The following GALNT9 variants were observed in gnomAD, a reference collection of about 807,000 sequenced individuals.
GALNT9 encodes the protein GalNAc transferase 9.
A neutral mutation model predicts 63.1 loss-of-function variants in GALNT9; 47 were observed. The ratio of observed to expected loss-of-function variants is 0.75; its 90% CI spans 0.59 to 0.95. The LOEUF (loss-of-function observed/expected upper bound fraction) is 0.95, where lower values mean the gene tolerates loss of function less well. Ranked by LOEUF, GALNT9 falls within the 40% of genes least tolerant of loss-of-function variation. The pLI is 0.00. For synonymous variants in GALNT9, 396 were observed against 365.7 expected, an observed-to-expected ratio of 1.08 and a Z score of -0.94; for missense variants, 829 against 874.8, an observed-to-expected ratio of 0.95 and a Z score of 0.66.
Position 132,282,393 on chromosome 12 carries a change from ACGTGTGTGCGCGTGTGTG to A in GALNT9, c.419+3839_419+3856del, listed in dbSNP as rs1292096409. On this transcript the variant is annotated intron_variant, in intron 2 of 10. Coordinates refer to ENST00000328957, the MANE Select transcript of GALNT9 (RefSeq NM_001122636.2). The surrounding 1 kb of genome is among the most constrained non-coding windows in gnomAD (Gnocchi z 4.5). ...TGTGCTTAAAGAAAAAACTAAAAAT[ACGTGTGTGCGCGTGTGTG>A]CGTGTGTGTGCGTGTGTGCGTGCAT... Among the ~76,000 whole-genome samples the A allele has an allele frequency of 6.6e-6, 1 of 151,118 alleles. No homozygotes were observed. The highest frequency in any genetic ancestry group is 6.6e-5 in the Admixed American group (1 of 15,218).
At chr12:132,204,323 C>T (rs1018453528) in intron 6 of GALNT9, among the ~76,000 whole-genome samples, 4 of 152,172 alleles carry the variant, frequency 2.6e-5, no homozygotes, top group African/African-American at 9.7e-5. Context: ...CCGGTTTGTC[C>T]CCCCGCGCTG....
At chr12:132,302,958 TG>T (rs1555243970) in intron 1 of GALNT9, among the ~76,000 whole-genome samples, 2 of 134,330 alleles carry the variant, frequency 1.5e-5, no homozygotes, top group Admixed American at 7.5e-5. Flanking sequence ...ACCACTCCGG[TG>T]ACCGTCTAAG....
At position 132,247,877 on chromosome 12, in the gene GALNT9, C is replaced by T. The variant is rs552413028; in HGVS notation, c.1077+33G>A. The T allele has an allele frequency of 4.4e-5, 69 of 1,550,650 alleles. No homozygotes were observed. In the East Asian group the frequency reaches 6.6e-4, roughly 15 times the overall value. The stretch of plus-strand genomic sequence containing the variant: ...CAGACGCTGTGGCCTCACTCGCCCT[C>T]ACCCTGTCCCTGGACACCGGGGCCG... On this transcript the variant is annotated intron_variant, in intron 6 of 10. Transcript: ENST00000328957.
At position 132,327,804 on chromosome 12, in the gene GALNT9, C is replaced by T. The variant is rs1268734786; in HGVS notation, c.238+1162G>A. Among the ~76,000 whole-genome samples the T allele has an allele frequency of 2.6e-5, 4 of 152,024 alleles. No individual in the cohort carries two copies. Among genetic ancestry groups the T allele is most frequent in the Non-Finnish European group, 4.4e-5 (3 of 68,006 alleles). On this transcript the variant is annotated intron_variant, in intron 1 of 10. Coordinates refer to ENST00000328957, the MANE Select transcript of GALNT9 (RefSeq NM_001122636.2). This position sits in a 1 kb window ranked among gnomAD's most constrained non-coding sequence, Gnocchi z 4.3. ...GGGACAACCCCTCCTCATGGGGATT[C>T]ACCTCCCCCTCCCACCCCACGGCCT...
At chr12:132,288,426 A>G (rs1205568098) in intron 1 of GALNT9, among the ~76,000 whole-genome samples, 1 of 152,238 alleles carries the variant, frequency 6.6e-6, no homozygotes, top group Non-Finnish European at 1.5e-5. Context: ...TAATCATGCT[A>G]TTTTAAAATA....
intron 1 of GALNT9, among the ~76,000 whole-genome samples, chr12:132,324,487 G>C (rs1485363332): frequency 5.9e-5 from 9 of 152,228 alleles, no homozygotes; most frequent in Admixed American, 6.5e-5. Flanking sequence ...GGCCGCGTCC[G>C]AGACCCCGGA....
chr12:132,298,167 C>G (rs879975232), intron 1 of GALNT9, among the ~76,000 whole-genome samples: 3 of 152,006 alleles, frequency 2.0e-5, no homozygotes, highest in African/African-American at 4.8e-5. Flanking sequence ...GATAACCAAC[C>G]CATTATTCTG....
chr12:132,254,255 C>T (rs888056903), intron 5 of GALNT9, among the ~76,000 whole-genome samples: 4 of 152,116 alleles, frequency 2.6e-5, no homozygotes, highest in Admixed American at 6.5e-5. Context: ...GTGATCCACC[C>T]GCCTCGGCCT....
At position 132,238,226 on chromosome 12, in the gene GALNT9, C is replaced by T. The variant is rs1019774792; in HGVS notation, c.1077+9684G>A. Among the ~76,000 whole-genome samples the T allele has an allele frequency of 3.9e-5, 6 of 152,042 alleles. No individual in the cohort carries two copies. Among genetic ancestry groups the T allele is most frequent in the Non-Finnish European group, 8.8e-5 (6 of 67,990 alleles). ...CCCAGGAGAGAGGGGAGAGAGGGGG[C>T]GTCATCCCAGAGCCCATGAGGGACA... On this transcript the variant is annotated intron_variant, in intron 6 of 10. Transcript: ENST00000328957. The surrounding 1 kb of genome is among the most constrained non-coding windows in gnomAD (Gnocchi z 6.5).
At chr12:132,257,997 C>T in intron 4 of GALNT9, 111 bp from the exon 5 acceptor site, 1 of 705,060 alleles carries the variant, frequency 1.4e-6, no homozygotes, top group Non-Finnish European at 2.4e-6. Flanking sequence ...CTGCATCTAG[C>T]CCTGCCACCC....
intron 6 of GALNT9, among the ~76,000 whole-genome samples, chr12:132,221,350 C>CAAAAAA (rs869246524): frequency 8.5e-5 from 4 of 46,806 alleles, no homozygotes; most frequent in African/African-American, 3.5e-4. Flanking sequence ...AGATTGTGTC[C>CAAAAAA]AAAAAAAAAA....
At position 132,265,285 on chromosome 12, in the gene GALNT9, G is replaced by A. The variant is rs576412371; in HGVS notation, c.420-2660C>T. Among the ~76,000 whole-genome samples the A allele has an allele frequency of 2.8e-4, 42 of 152,278 alleles. No homozygotes were observed. Among genetic ancestry groups the A allele is most frequent in the African/African-American group, 8.4e-4 (35 of 41,562 alleles). On this transcript the variant is annotated intron_variant, in intron 2 of 10. Coordinates refer to ENST00000328957, the MANE Select transcript of GALNT9 (RefSeq NM_001122636.2). The surrounding 1 kb of genome is among the most constrained non-coding windows in gnomAD (Gnocchi z 5.3). ...GGAGAGGCCACGGGGAGAAAATGAC[G>A]GCTGGACCGGTCCTCCCCGTGGAAG...
At chr12:132,205,632 A>C (rs578159927) in intron 6 of GALNT9, 1 of 152,460 alleles carries the variant, frequency 6.6e-6, no homozygotes, top group East Asian at 1.9e-4. Context: ...TGGCCTTTGC[A>C]TCCCGAGGGA....
rs1162938557 is a variant in GALNT9 at position 132,316,470 on chromosome 12, G to T, written c.238+12496C>A. Among the ~76,000 whole-genome samples, 1 of 152,084 alleles carries T rather than the reference G, an allele frequency of 6.6e-6. No homozygotes were observed. On this transcript the variant is annotated intron_variant, in intron 1 of 10. Coordinates refer to ENST00000328957, the MANE Select transcript of GALNT9 (RefSeq NM_001122636.2). This position sits in a 1 kb window ranked among gnomAD's most constrained non-coding sequence, Gnocchi z 4.3. Reference sequence around the variant, plus strand: ...AAGGAATTTGCAGTTCTCAACCTCAGATGACCTTGCTTCCTTCCTCCCTGG... The same window carrying T: ...AAGGAATTTGCAGTTCTCAACCTCATATGACCTTGCTTCCTTCCTCCCTGG...
chr12:132,294,119 A>T (rs782155579), intron 1 of GALNT9, among the ~76,000 whole-genome samples: 21 of 152,256 alleles, frequency 1.4e-4, no homozygotes, highest in Admixed American at 1.3e-3. Flanking sequence ...CCTGGTGACC[A>T]CTATGGACAC....
chr12:132,228,837 G>A lies in GALNT9; in HGVS notation c.1077+19073C>T, dbSNP rs1314921420. Among the ~76,000 whole-genome samples, 11 of 152,288 alleles carry A rather than the reference G, an allele frequency of 7.2e-5. No individual in the cohort carries two copies. In the South Asian group the frequency reaches 1.0e-3, roughly 14 times the overall value. ...CTGACCTTTATTAAGCCTAATAGACGCGATGGACTCATTTTCCTCTAACTG... is the reference window on the plus strand; with the variant it reads ...CTGACCTTTATTAAGCCTAATAGACACGATGGACTCATTTTCCTCTAACTG... On this transcript the variant is annotated intron_variant, in intron 6 of 10. Coordinates refer to ENST00000328957, the MANE Select transcript of GALNT9 (RefSeq NM_001122636.2).
chr12:132,299,133 C>G lies in GALNT9; in HGVS notation c.239-12703G>C, dbSNP rs570107011. Among the ~76,000 whole-genome samples the G allele has an allele frequency of 3.8e-4, 52 of 138,122 alleles. 3 individuals are homozygous for G. In the South Asian group the frequency reaches 8.2e-3, roughly 22 times the overall value. The allele number at this position is 138,122 out of a possible 152,430, so 90.6% of individuals were successfully genotyped here. On this transcript the variant is annotated intron_variant, in intron 1 of 10. Transcript: ENST00000328957. ...CCACTCCCATGATAACTAACCCACTCCCACCACACCTAACCCACCCCCAAC... is the reference window on the plus strand; with the variant it reads ...CCACTCCCATGATAACTAACCCACTGCCACCACACCTAACCCACCCCCAAC...
rs1880590560 is a variant in GALNT9, at chr12:132,286,342, C to T, written c.327G>A (p.Glu109=). ...LAATLRDDGQ[E]AEGKYEEYGY... ...CGTACTCCTCATACTTGCCTTCCGC[C>T]TCCTGGCCGTCATCACGCAGGGTGG... Residue 109 remains glutamate (E), a synonymous_variant, in exon 2 of 11, where the codon GAG becomes GAA. Coordinates refer to ENST00000328957, the MANE Select transcript of GALNT9 (RefSeq NM_001122636.2). The surrounding 1 kb of genome is among the most constrained non-coding windows in gnomAD (Gnocchi z 7.4). 3 of 1,550,982 alleles carry T rather than the reference C, an allele frequency of 1.9e-6. No homozygotes were observed. The highest frequency in any genetic ancestry group is 2.4e-5 in the South Asian group (2 of 84,062).
intron 5 of GALNT9, among the ~76,000 whole-genome samples, chr12:132,250,246 C>T (rs975952940): frequency 6.9e-6 from 1 of 145,284 alleles, no homozygotes; most frequent in Non-Finnish European, 1.5e-5. Context: ...GGCAAGTCCA[C>T]GGGGGCAGGA....
Sources: allele counts gnomAD v4.1 joint callset (sites outside exome capture counted in the v4.1 genomes callset), GRCh38; gene constraint gnomAD v4.1.1; non-coding constraint Gnocchi (gnomAD v3.1); transcripts MANE v1.5; gene names NCBI Gene and HGNC (gene_info 2026-07-23, HGNC 2026-07-21).